PRSS48: variants seen among roughly 807,000 people sequenced by gnomAD.
PRSS48 encodes the protein epidermis-specific serine protease-like protein.
A neutral mutation model predicts 25.6 loss-of-function variants in PRSS48; 21 were observed. That is an observed-to-expected ratio of 0.82 (90% CI 0.58 to 1.18). The LOEUF is 1.18. Ranked by LOEUF, PRSS48 falls within the 50% of genes most tolerant of loss-of-function variation. PRSS48 has a pLI of 0.00. For missense variants in PRSS48, 373 were observed against 399.3 expected (o/e 0.93, Z 0.56); for synonymous variants, 150 against 149.3 (o/e 1.00, Z -0.04).
exon 5 of PRSS48, chr4:151,291,392 C>T (rs375104556): frequency 1.2e-6 from 2 of 1,613,906 alleles, no homozygotes; most frequent in African/African-American, 1.3e-5. Context: ...GTAGCTGAAG[C>T]TGTTGCTTGC....
At chr4:151,285,533 A>G (rs1197595243) in intron 4 of PRSS48, among the ~76,000 whole-genome samples, 4 of 152,222 alleles carry the variant, frequency 2.6e-5, no homozygotes, top group Admixed American at 6.5e-5. Context: ...TGAAGAAACA[A>G]CATATCAAAT....
intron 4 of PRSS48, among the ~76,000 whole-genome samples, chr4:151,285,712 T>A (rs922876877): frequency 2.6e-5 from 4 of 151,278 alleles, no homozygotes; most frequent in African/African-American, 9.7e-5. Context: ...ACTAAAAATT[T>A]AAAAAGTTAG....
chr4:151,290,102 T>A (rs1271892055), intron 4 of PRSS48, among the ~76,000 whole-genome samples: 1 of 152,196 alleles, frequency 6.6e-6, no homozygotes, highest in African/African-American at 2.4e-5. Flanking sequence ...TATGCCACCA[T>A]AGCAGCTATT....
chr4:151,279,148 CT>C (rs1773930369), intron 1 of PRSS48: 13 of 427,308 alleles, frequency 3.0e-5, no homozygotes, highest in South Asian at 2.1e-4. Context: ...GCAGCAGCAT[CT>C]TGGCCATCTA....
rs565789322 is a variant in PRSS48 at position 151,288,393 on chromosome 4, A to C, written c.652-2725A>C. Among the ~76,000 whole-genome samples the C allele has an allele frequency of 4.6e-5, 7 of 152,324 alleles. No homozygotes were observed. In the South Asian group the frequency reaches 1.0e-3, roughly 23 times the overall value. On this transcript the variant is annotated intron_variant, in intron 4 of 4. Coordinates refer to ENST00000455694, the Ensembl canonical transcript of PRSS48. ...GAAAATCTAAAGGAATGCCACCCCC[A>C]AAAAATTAGAACTAATAAACACATT...
intron 4 of PRSS48, among the ~76,000 whole-genome samples, chr4:151,285,761 G>A (rs1774687543): frequency 6.6e-6 from 1 of 152,044 alleles, no homozygotes; most frequent in Non-Finnish European, 1.5e-5. Flanking sequence ...CAGCTACTTA[G>A]GAGACTGGGG....
Position 151,290,770 on chromosome 4 carries a change from C to T in PRSS48, c.652-348C>T, listed in dbSNP as rs546789583. Among the ~76,000 whole-genome samples the T allele has an allele frequency of 9.8e-4, 149 of 152,284 alleles. 1 individual carries two copies. The Middle Eastern group carries it at 0.014, about 14-fold the overall frequency. On this transcript the variant is annotated intron_variant, in intron 4 of 4. Transcript: ENST00000455694. ...TATCATTTTAGGTAAGAATGGATTA[C>T]TTAACACTAAACAAGAGCAGTAAGA...
At chr4:151,277,263 G>T in intron 1 of PRSS48, 39 bp downstream of exon 1, 1 of 1,442,260 alleles carries the variant, frequency 6.9e-7, no homozygotes, top group Non-Finnish European at 9.3e-7. Context: ...AGAGGCAGAG[G>T]ATTTTTACTA....
At chr4:151,284,932 G>A (rs769962411) in intron 4 of PRSS48, among the ~76,000 whole-genome samples, 7 of 152,084 alleles carry the variant, frequency 4.6e-5, no homozygotes, top group Non-Finnish European at 1.0e-4. Flanking sequence ...TGGGACTCTC[G>A]CTCTGTGGCT....
intron 4 of PRSS48, 74 bp downstream of exon 4, chr4:151,283,360 A>AT (rs1774432351): frequency 1.4e-6 from 2 of 1,382,862 alleles, no homozygotes; most frequent in Non-Finnish European, 1.0e-6. Flanking sequence ...CTATCTGTAA[A>AT]TAACAGTGGA....
At position 151,281,269 on chromosome 4, in the gene PRSS48, TAAAAAC is replaced by T. The variant is rs374486596; in HGVS notation, c.216-873_216-868del. ...ATGAGACTGGTGATGGGTATAAAGA[TAAAAAC>T]AAAAAACCAAAGTGAGCCCACTTAT... is the stretch of plus-strand genomic sequence containing the variant. On this transcript the variant is annotated intron_variant, in intron 2 of 4. Transcript: ENST00000455694. 2.0e-5 allele frequency among the ~76,000 whole-genome samples: 3 copies of T among 152,014 alleles called. No individual in the cohort carries two copies. In the East Asian group the frequency reaches 5.8e-4, roughly 29 times the overall value.
At chr4:151,282,554 TAAATA>T in intron 3 of PRSS48, 141 bp downstream of exon 3, 2 of 828,994 alleles carry the variant, frequency 2.4e-6, no homozygotes, top group South Asian at 2.1e-5. Context: ...TATAAGTTTT[TAAATA>T]AAATATCTTT....
At chr4:151,282,988 AAT>A (rs1561429113) in intron 3 of PRSS48, 127 bp from the exon 4 acceptor site, 25 of 707,628 alleles carry the variant, frequency 3.5e-5, no homozygotes, top group Non-Finnish European at 5.2e-5. Flanking sequence ...CCCATAAGCA[AAT>A]ATGATTGGAA....
exon 3 of PRSS48, chr4:151,282,220 G>A (rs2150009014): frequency 6.2e-7 from 1 of 1,613,880 alleles, no homozygotes; most frequent in East Asian, 2.2e-5. Context: ...AACGTGTGAA[G>A]TACTACGTGT....
At chr4:151,281,181 G>A (rs1774189038) in intron 2 of PRSS48, among the ~76,000 whole-genome samples, 1 of 152,178 alleles carries the variant, frequency 6.6e-6, no homozygotes, top group Non-Finnish European at 1.5e-5. Context: ...AGTATTGATA[G>A]AATGCCTGAC....
intron 4 of PRSS48, among the ~76,000 whole-genome samples, chr4:151,286,806 C>T (rs1333148327): frequency 6.6e-6 from 1 of 151,474 alleles, no homozygotes; most frequent in Non-Finnish European, 1.5e-5. Flanking sequence ...GTGGCAAAAC[C>T]CCATCTCTAC....
rs1249497973 is a variant in PRSS48, at chr4:151,291,062, ACT to A, written c.652-51_652-50del. ...AAAGAATTCTCCACCCCTTATTACT[ACT>A]CTCTTCTTTATGCCTCTTTTCACTA... is the stretch of plus-strand genomic sequence containing the variant. On this transcript the variant is annotated intron_variant, in intron 4 of 4. Transcript: ENST00000455694. 7 of 1,347,764 alleles carry A rather than the reference ACT, an allele frequency of 5.2e-6. No homozygotes were observed. The African/African-American group carries it at 1.0e-4, about 20-fold the overall frequency. 83.5% of individuals were successfully genotyped at this position (1,347,764 alleles called of 1,614,324 possible).
chr4:151,282,705 G>A lies in PRSS48; in HGVS notation c.481+292G>A, dbSNP rs181919490. ...GGTTAATAAGACTGATTTAAAGTTTGGAGAGCGTCTAGTGTTTTTTAACTG... is the reference window on the plus strand; with the variant it reads ...GGTTAATAAGACTGATTTAAAGTTTAGAGAGCGTCTAGTGTTTTTTAACTG... On this transcript the variant is annotated intron_variant, in intron 3 of 4. Transcript: ENST00000455694. Among the ~76,000 whole-genome samples, 645 of 152,256 alleles carry A rather than the reference G, an allele frequency of 4.2e-3. 2 individuals are homozygous for A. The highest frequency in any genetic ancestry group is 6.5e-3 in the Non-Finnish European group (439 of 68,022).
intron 1 of PRSS48, among the ~76,000 whole-genome samples, chr4:151,278,854 AACTCCTGG>A (rs1283612454): frequency 1.3e-5 from 2 of 152,072 alleles, no homozygotes; most frequent in Admixed American, 6.5e-5. Context: ...GCTGGTTTTG[AACTCCTGG>A]ACTTGAGCAA....
Sources: gnomAD v4.1 joint callset for allele counts (sites outside exome capture counted in the v4.1 genomes callset) on GRCh38, gnomAD v4.1.1 for gene constraint, MANE v1.5 for transcripts, NCBI Gene and HGNC (gene_info 2026-07-23, HGNC 2026-07-21) for gene names.